NKTR: variants seen among roughly 807,000 people sequenced by gnomAD.
The protein encoded by NKTR is natural killer cell triggering receptor.
NKTR carries 67 observed loss-of-function variants against 156.3 expected under a neutral mutation model. The ratio of observed to expected loss-of-function variants is 0.43; its 90% CI spans 0.35 to 0.53. NKTR has a LOEUF of 0.53. Among genes scored for constraint, NKTR ranks in the 20% least tolerant of loss-of-function variants. NKTR has a pLI of 0.01. For missense variants in NKTR, 1,604 were observed against 1,730.9 expected (o/e 0.93, Z 1.30); for synonymous variants, 640 against 596.6 (o/e 1.07, Z -1.06).
intron 13 of NKTR, 69 bp from the exon 14 acceptor site, chr3:42,642,432 C>T: frequency 8.5e-7 from 1 of 1,177,784 alleles, no homozygotes; most frequent in Non-Finnish European, 1.3e-6. Context: ...TTCTGCCCTA[C>T]CAGTAATTAA....
rs1559597393 is a variant in NKTR at position 42,644,023 on chromosome 3, C to CGATAA, written c.4301+21_4301+22insATAAG. The stretch of plus-strand genomic sequence containing the variant: ...GTCCAGGTGGGTCTCTCTCCTTTAT[C>CGATAA]GTCCTTTATCGCACTGTAGGCCACG... On this transcript the variant is annotated intron_variant, in intron 16 of 16. Coordinates refer to ENST00000232978, the MANE Select transcript of NKTR (RefSeq NM_005385.4). 2 of 1,568,840 alleles carry CGATAA rather than the reference C, an allele frequency of 1.3e-6. No individual in the cohort carries two copies. Among genetic ancestry groups the CGATAA allele is most frequent in the African/African-American group, 2.7e-5 (2 of 73,842 alleles).
intron 5 of NKTR, chr3:42,620,336 T>G: frequency 8.8e-7 from 1 of 1,139,986 alleles, no homozygotes; most frequent in Non-Finnish European, 1.1e-6. Flanking sequence ...GTATGTTTTC[T>G]TTTGTATATT....
intron 6 of NKTR, chr3:42,628,151 C>G: frequency 3.0e-6 from 3 of 984,842 alleles, no homozygotes; most frequent in Non-Finnish European, 3.6e-6. Flanking sequence ...AATATGTAAT[C>G]TAATCCAATT....
Position 42,637,531 on chromosome 3 carries a change from A to T in NKTR, c.1827A>T (p.Pro609=), listed in dbSNP as rs1453724507. The T allele has an allele frequency of 6.2e-7, 1 of 1,614,076 alleles. No individual in the cohort carries two copies. The highest frequency in any genetic ancestry group is 8.5e-7 in the Non-Finnish European group (1 of 1,180,008). The change falls in exon 13 of 17, where the codon CCA becomes CCT. Residue 609 remains proline (P), a synonymous_variant. Coordinates refer to ENST00000232978, the MANE Select transcript of NKTR (RefSeq NM_005385.4). ...PVVAENIPVI[P]LSDSPPPSRW... ...TAGCAGAAAATATTCCTGTAATACC[A>T]CTGAGTGACAGTCCCCCCCCTTCAA...
At position 42,639,330 on chromosome 3, in the gene NKTR, G is replaced by A; in HGVS notation, c.3626G>A (p.Gly1209Glu). Residue 1209 changes from glycine to glutamate, a missense_variant, in exon 13 of 17, where the codon GGG (glycine) becomes GAG (glutamate). By Grantham distance (98) the Gly-to-Glu change is moderately conservative. Around this residue, in one of 6 missense-constraint regions of NKTR, gnomAD observed 1,255 missense variants for 1,243.7 expected, o/e 1.01. Transcript: ENST00000232978. ...ASLASAGESTGKKEVAEKSQI... is the reference protein window; with the variant it reads ...ASLASAGESTEKKEVAEKSQI... ...TTGGCTAGTGCTGGAGAAAGTACCG[G>A]GAAGAAGGAGGTGGCTGAGAAGAGC... 3 of 1,614,078 alleles carry A rather than the reference G, an allele frequency of 1.9e-6. No individual in the cohort carries two copies. The highest frequency in any genetic ancestry group is 1.7e-6 in the Non-Finnish European group (2 of 1,179,996).
chr3:42,645,609 G>A (rs960975627), intron 16 of NKTR, among the ~76,000 whole-genome samples: 1 of 152,130 alleles, frequency 6.6e-6, no homozygotes, highest in African/African-American at 2.4e-5. Context: ...ACTTGAACCC[G>A]GGAGGTGGAG....
At chr3:42,602,795 C>T (rs1705677195) in intron 2 of NKTR, 1 of 151,904 alleles carries the variant, frequency 6.6e-6, no homozygotes, top group Admixed American at 6.6e-5. Context: ...GCGGGTGTAT[C>T]ATTTTGAGGT....
At chr3:42,614,550 T>C (rs1707164403) in intron 2 of NKTR, among the ~76,000 whole-genome samples, 1 of 152,132 alleles carries the variant, frequency 6.6e-6, no homozygotes, top group Non-Finnish European at 1.5e-5. Flanking sequence ...ATAAAAAATA[T>C]TTGTTGAAAA....
At chr3:42,620,264 T>C in intron 5 of NKTR, 2 of 1,252,578 alleles carry the variant, frequency 1.6e-6, no homozygotes, top group Non-Finnish European at 2.0e-6. Flanking sequence ...TGTGGGGTTT[T>C]TTTTCCCCTA....
intron 2 of NKTR, 146 bp downstream of exon 2, chr3:42,601,210 G>C (rs1260094059): frequency 1.6e-6 from 1 of 608,504 alleles, no homozygotes; most frequent in Non-Finnish European, 2.7e-6. Context: ...GAGAAAATCA[G>C]TGGGAGAGGA....
Position 42,632,775 on chromosome 3 carries a change from C to G in NKTR, c.725C>G (p.Ala242Gly), listed in dbSNP as rs780133095. The stretch of plus-strand genomic sequence containing the variant: ...CGTTCTAAAAAGAGGCGAAAGGAAG[C>G]AAGCAGTTCAGAAGAGCCAAGGAAT... ...VKRSKKRRKE[A>G]SSSEEPRNKH... Residue 242 changes from alanine (A) to glycine (G), a missense_variant, in exon 9 of 17, where the codon GCA becomes GGA. Ala to Gly is a moderately conservative substitution (Grantham distance 60). Transcript: ENST00000232978. The G allele has an allele frequency of 2.5e-6, 4 of 1,612,176 alleles. No individual in the cohort carries two copies. The South Asian group carries it at 4.4e-5, about 18-fold the overall frequency.
chr3:42,631,563 T>G (rs1708903404), intron 8 of NKTR, among the ~76,000 whole-genome samples: 1 of 152,228 alleles, frequency 6.6e-6, no homozygotes, highest in East Asian at 1.9e-4. Flanking sequence ...CGTAACTGTT[T>G]ACCTTGCCTC....
chr3:42,607,410 TA>T, intron 2 of NKTR, among the ~76,000 whole-genome samples: 2 of 152,180 alleles, frequency 1.3e-5, no homozygotes, highest in African/African-American at 4.8e-5. Context: ...ATTATTTATT[TA>T]AAATGGAGGA....
chr3:42,646,766 T>C lies in NKTR; in HGVS notation c.*791T>C, dbSNP rs973522646. ...GGTGCGTCTTTAAGCATTACTCTTA[T>C]ATATCATATATTAAAATACCATAAA... On this transcript the variant is annotated 3_prime_UTR_variant, in exon 17 of 17. Coordinates refer to ENST00000232978, the MANE Select transcript of NKTR (RefSeq NM_005385.4). The C allele has an allele frequency of 2.0e-5, 3 of 152,666 alleles. No homozygotes were observed. The highest frequency in any genetic ancestry group is 4.1e-4 in the South Asian group (2 of 4,822). 9.5% of individuals were successfully genotyped at this position (152,666 alleles called of 1,614,324 possible).
Position 42,638,028 on chromosome 3 carries a change from G to T in NKTR, c.2324G>T (p.Ser775Ile). 6.2e-7 allele frequency: 1 copy of T among 1,614,196 alleles called. No individual in the cohort carries two copies. The highest frequency in any genetic ancestry group is 8.5e-7 in the Non-Finnish European group (1 of 1,180,024). The change falls in exon 13 of 17, where the codon AGC becomes ATC. Residue 775 changes from serine (S) to isoleucine (I), a missense_variant. By Grantham distance (142) the Ser-to-Ile change is moderately radical. This residue lies in a region of NKTR where 1,255 missense variants were observed against 1,243.7 expected (regional missense o/e 1.01). Coordinates refer to ENST00000232978, the MANE Select transcript of NKTR (RefSeq NM_005385.4). Reference sequence around the variant, plus strand: ...AGCGTTTCACATAAAAAGCATAGCAGCAGCTCTGAAAAGACACTTCACAGT... The same window carrying T: ...AGCGTTTCACATAAAAAGCATAGCATCAGCTCTGAAAAGACACTTCACAGT... ...KNSVSHKKHS[S>I]SSEKTLHSKY...
rs772200961 is a variant in NKTR, at chr3:42,621,459, C to T, written c.317C>T (p.Ala106Val). The change falls in exon 6 of 17, where the codon GCG (alanine) becomes GTG (valine). Residue 106 changes from alanine to valine, a missense_variant. Transcript: ENST00000232978. The part of the protein sequence containing the change: ...DENFILKHDR[A>V]FLLSMANRGK... ...AACTTTATTCTCAAACATGACAGAGCGTTCCTTTTATCAATGGCAAATCGA... is the reference window on the plus strand; with the variant it reads ...AACTTTATTCTCAAACATGACAGAGTGTTCCTTTTATCAATGGCAAATCGA... 9 of 1,609,148 alleles carry T rather than the reference C, an allele frequency of 5.6e-6. No homozygotes were observed. The highest frequency in any genetic ancestry group is 2.2e-5 in the East Asian group (1 of 44,644).
intron 3 of NKTR, among the ~76,000 whole-genome samples, chr3:42,618,735 C>A (rs1024806233): frequency 6.6e-6 from 1 of 152,166 alleles, no homozygotes; most frequent in Non-Finnish European, 1.5e-5. Flanking sequence ...TGTGCCATTG[C>A]GCCTGACCTC....
In NKTR at chr3:42,644,151, C is replaced by T. The variant is rs1050519240; in HGVS notation, c.4301+148C>T. The T allele has an allele frequency of 9.2e-6, 5 of 542,928 alleles. No homozygotes were observed. The African/African-American group carries it at 9.8e-5, about 11-fold the overall frequency. The allele number at this position is 542,928 out of a possible 1,614,324, so 33.6% of individuals were successfully genotyped here. On this transcript the variant is annotated intron_variant, in intron 16 of 16. Transcript: ENST00000232978. Reference sequence around the variant, plus strand: ...TCTTCCTTTAAATCTGAACAACCCACAAGCAGCCACTAAAAGTGGCTTTTA... The same window carrying T: ...TCTTCCTTTAAATCTGAACAACCCATAAGCAGCCACTAAAAGTGGCTTTTA...
chr3:42,629,146 CA>C, intron 6 of NKTR: 2 of 982,208 alleles, frequency 2.0e-6, no homozygotes, highest in Non-Finnish European at 2.4e-6. Context: ...AGTTACCATC[CA>C]AGGTGGTTTC....
Sources: gnomAD v4.1 joint callset for allele counts (sites outside exome capture counted in the v4.1 genomes callset) on GRCh38, gnomAD v4.1.1 for gene constraint, gnomAD v4.1.1 regional missense constraint, MANE v1.5 for transcripts, NCBI Gene and HGNC (gene_info 2026-07-23, HGNC 2026-07-21) for gene names.